Variants in ADARB2 observed in about 807,000 individuals in gnomAD.
The protein encoded by ADARB2 is inactive double-stranded RNA-specific editase B2.
A neutral mutation model predicts 62.2 loss-of-function variants in ADARB2; 25 were observed. The observed-to-expected ratio is 0.40, with a 90% confidence interval of 0.29 to 0.56. ADARB2 has a LOEUF of 0.56. Among genes scored for constraint, ADARB2 ranks in the 20% least tolerant of loss-of-function variants. The pLI is 0.43. For synonymous variants in ADARB2, 572 were observed against 500.8 expected, an observed-to-expected ratio of 1.14 and a Z score of -1.90; for missense variants, 1,071 against 1,077.4, an observed-to-expected ratio of 0.99 and a Z score of 0.08.
At chr10:1,581,831 T>TAC (rs1833105393) in intron 1 of ADARB2, among the ~76,000 whole-genome samples, 1 of 7,108 alleles carries the variant, frequency 1.4e-4, no homozygotes, top group South Asian at 0.014. Flanking sequence ...AATAGATGTG[T>TAC]GTGTGTGTGT....
At chr10:1,370,202 CAT>C (rs1305735378) in intron 2 of ADARB2, among the ~76,000 whole-genome samples, 2 of 152,146 alleles carry the variant, frequency 1.3e-5, no homozygotes, top group African/African-American at 2.4e-5. Context: ...AAACAAAAAA[CAT>C]AGGGTCATCT....
intron 1 of ADARB2, among the ~76,000 whole-genome samples, chr10:1,545,476 G>A (rs17156459): frequency 0.016 from 2,379 of 152,284 alleles, 64 homozygotes; most frequent in African/African-American, 0.055. Flanking sequence ...TGTACACAAA[G>A]TTAGAAGAGA....
At chr10:1,735,037 C>G (rs531343412) in intron 1 of ADARB2, among the ~76,000 whole-genome samples, 10 of 152,154 alleles carry the variant, frequency 6.6e-5, no homozygotes, top group Admixed American at 5.9e-4. Context: ...ACATGGTTAA[C>G]GTTTCCCCAA....
intron 3 of ADARB2, among the ~76,000 whole-genome samples, chr10:1,356,574 A>G (rs1832198023): frequency 1.3e-5 from 2 of 152,180 alleles, no homozygotes. Context: ...CCTGGGGATG[A>G]TGGAGGGGAG....
At chr10:1,673,924 G>A (rs554079735) in intron 1 of ADARB2, among the ~76,000 whole-genome samples, 2 of 152,358 alleles carry the variant, frequency 1.3e-5, no homozygotes, top group East Asian at 3.9e-4. Flanking sequence ...AATCATATCT[G>A]CTTCATATTA....
chr10:1,670,401 C>T (rs1834369558), intron 1 of ADARB2, among the ~76,000 whole-genome samples: 3 of 152,186 alleles, frequency 2.0e-5, no homozygotes, highest in African/African-American at 2.4e-5. Context: ...CACATTATTT[C>T]AAAACATTCA....
chr10:1,583,080 G>A (rs1588311648), intron 1 of ADARB2, among the ~76,000 whole-genome samples: 1 of 152,200 alleles, frequency 6.6e-6, no homozygotes, highest in African/African-American at 2.4e-5. Flanking sequence ...TCATCACAAA[G>A]TAATTGTTGG....
intron 3 of ADARB2, among the ~76,000 whole-genome samples, chr10:1,337,554 A>AT (rs971641702): frequency 1.9e-4 from 29 of 152,054 alleles, no homozygotes; most frequent in African/African-American, 6.5e-4. Context: ...AGAAAGTGTA[A>AT]TTTTTTCTGG....
chr10:1,401,864 C>T (rs1035551191), intron 1 of ADARB2, among the ~76,000 whole-genome samples: 1 of 152,116 alleles, frequency 6.6e-6, no homozygotes, highest in Non-Finnish European at 1.5e-5. Flanking sequence ...GGTGCTAGTG[C>T]CCAGAGCATT....
chr10:1,651,743 C>T (rs1344346478), intron 1 of ADARB2, among the ~76,000 whole-genome samples: 2 of 152,150 alleles, frequency 1.3e-5, no homozygotes, highest in South Asian at 2.1e-4. Flanking sequence ...GTGGGCGTGA[C>T]TCTCGGGGGG....
chr10:1,517,787 C>A (rs892966349), intron 1 of ADARB2, among the ~76,000 whole-genome samples: 3 of 152,128 alleles, frequency 2.0e-5, no homozygotes, highest in Admixed American at 6.5e-5. Context: ...TGTCTTCGGT[C>A]GTATGATCAG....
intron 1 of ADARB2, among the ~76,000 whole-genome samples, chr10:1,573,641 C>T (rs1420841727): frequency 6.6e-6 from 1 of 152,166 alleles, no homozygotes; most frequent in Non-Finnish European, 1.5e-5. Context: ...CTTGCTTAGG[C>T]CTGAGGAAGA....
At chr10:1,247,541 T>G (rs945770757) in intron 4 of ADARB2, among the ~76,000 whole-genome samples, 2 of 152,124 alleles carry the variant, frequency 1.3e-5, no homozygotes, top group Admixed American at 1.3e-4. Flanking sequence ...CTGACCGATT[T>G]AATTTGGGGG....
intron 1 of ADARB2, among the ~76,000 whole-genome samples, chr10:1,560,490 ACGCG>A (rs1832771605): frequency 4.4e-5 from 1 of 22,878 alleles, no homozygotes; most frequent in African/African-American, 8.4e-5. Flanking sequence ...GTCGTCACAC[ACGCG>A]TGAACACACG....
chr10:1,199,275 T>C (rs1836951894), intron 8 of ADARB2, among the ~76,000 whole-genome samples: 1 of 151,074 alleles, frequency 6.6e-6, no homozygotes, highest in South Asian at 2.1e-4. Context: ...AGTGTGTCCT[T>C]CACAAAACCC....
rs567401020 is a variant in ADARB2 at position 1,282,328 on chromosome 10, C to T, written c.1078-11259G>A. Among the ~76,000 whole-genome samples the T allele has an allele frequency of 3.6e-4, 55 of 152,308 alleles. 1 individual carries two copies. The highest frequency in any genetic ancestry group is 1.0e-3 in the African/African-American group (43 of 41,578). Reference sequence around the variant, plus strand: ...ACACAGATCTTGCTTTTTTGCACTGCGTCCTTCCATTTCCCCAGTGAAGCC... The same window carrying T: ...ACACAGATCTTGCTTTTTTGCACTGTGTCCTTCCATTTCCCCAGTGAAGCC... On this transcript the variant is annotated intron_variant, in intron 3 of 9. Coordinates refer to ENST00000381312, the MANE Select transcript of ADARB2 (RefSeq NM_018702.4).
rs573554204 is a variant in ADARB2 at position 1,488,221 on chromosome 10, C to CAAAAAAA, written c.101-109062_101-109061insTTTTTTT. Among the ~76,000 whole-genome samples the CAAAAAAA allele has an allele frequency of 1.6e-3, 208 of 130,280 alleles. 5 individuals carry two copies. The highest frequency in any genetic ancestry group is 0.011 in the East Asian group (45 of 4,108). 85.5% of individuals were successfully genotyped at this position (130,280 alleles called of 152,430 possible). A position where few individuals can be genotyped will look rare whatever the true frequency, so the allele number is the denominator to read the frequency against. Reference sequence around the variant, plus strand: ...GATACAGACATTATCTCAGATTTGGCAAAGAAAAAAAAAAAGGATGTACAA... The same window carrying CAAAAAAA: ...GATACAGACATTATCTCAGATTTGGCAAAAAAAAAAGAAAAAAAAAAAGGATGTACAA... On this transcript the variant is annotated intron_variant, in intron 1 of 9. Transcript: ENST00000381312.
chr10:1,423,121 G>A (rs1224945549), intron 1 of ADARB2, among the ~76,000 whole-genome samples: 1 of 152,014 alleles, frequency 6.6e-6, no homozygotes, highest in African/African-American at 2.4e-5. Context: ...GAGTCCCCGA[G>A]TCTCCACAGG....
At chr10:1,735,867 T>C (rs1835293796) in intron 1 of ADARB2, among the ~76,000 whole-genome samples, 1 of 152,210 alleles carries the variant, frequency 6.6e-6, no homozygotes, top group Admixed American at 6.5e-5. Flanking sequence ...ATAATTTCTA[T>C]TATTGGAAGA....
Sources: gnomAD v4.1 joint callset for allele counts (sites outside exome capture counted in the v4.1 genomes callset) on GRCh38, gnomAD v4.1.1 for gene constraint, MANE v1.5 for transcripts, NCBI Gene and HGNC (gene_info 2026-07-23, HGNC 2026-07-21) for gene names.